Variants in UGGT2 observed in about 807,000 individuals in gnomAD.
UGGT2 encodes UDP-glucose glycoprotein glucosyltransferase 2, also known as UDP-glucose:glycoprotein glucosyltransferase 2.
Under a neutral mutation model 192.1 loss-of-function variants are expected in UGGT2, and 180 were observed. The observed-to-expected ratio is 0.94, with a 90% CI of 0.83 to 1.06. UGGT2 has a LOEUF of 1.06. UGGT2 is among the 50% of genes least tolerant of loss of function. UGGT2 has a pLI of 0.00. For missense variants in UGGT2, 1,849 were observed against 1,795.7 expected (o/e 1.03, Z -0.54); for synonymous variants, 580 against 591.0 (o/e 0.98, Z 0.27).
intron 16 of UGGT2, among the ~76,000 whole-genome samples, chr13:95,938,763 AT>A (rs1480747628): frequency 6.6e-6 from 1 of 151,792 alleles, no homozygotes; most frequent in Non-Finnish European, 1.5e-5. Flanking sequence ...ACCCTTGACA[AT>A]TTCTCATCTC....
chr13:96,043,850 C>T (rs1013204148), intron 1 of UGGT2, among the ~76,000 whole-genome samples: 1 of 152,022 alleles, frequency 6.6e-6, no homozygotes, highest in African/African-American at 2.4e-5. Context: ...TAATGGAGTT[C>T]CCAAATTTAT....
intron 38 of UGGT2, among the ~76,000 whole-genome samples, chr13:95,806,490 T>G (rs1884311823): frequency 6.6e-6 from 1 of 152,178 alleles, no homozygotes; most frequent in African/African-American, 2.4e-5. Context: ...CTACTCAAAG[T>G]GATCTACATA....
At chr13:96,019,462 C>T (rs2139102706) in intron 4 of UGGT2, among the ~76,000 whole-genome samples, 1 of 152,248 alleles carries the variant, frequency 6.6e-6, no homozygotes, top group South Asian at 2.1e-4. Flanking sequence ...GGGAGAAACA[C>T]TCACTTATCC....
chr13:95,813,673 G>A (rs192890610), intron 38 of UGGT2, among the ~76,000 whole-genome samples: 4 of 152,244 alleles, frequency 2.6e-5, no homozygotes, highest in East Asian at 1.9e-4. Flanking sequence ...AGAGATATTC[G>A]CATAACCAAA....
At chr13:96,052,788 T>C (rs1375446600) in intron 1 of UGGT2, among the ~76,000 whole-genome samples, 1 of 152,190 alleles carries the variant, frequency 6.6e-6, no homozygotes, top group Non-Finnish European at 1.5e-5. Flanking sequence ...TGGTATGATG[T>C]CATCATTACG....
rs528367859 is a variant in UGGT2, at chr13:95,813,143, C to T, written c.4529-11331G>A. 4.6e-5 allele frequency among the ~76,000 whole-genome samples: 7 copies of T among 152,192 alleles called. No individual in the cohort carries two copies. The South Asian group carries it at 1.5e-3, about 32-fold the overall frequency. On this transcript the variant is annotated intron_variant, in intron 38 of 38. Coordinates refer to ENST00000376747, the MANE Select transcript of UGGT2 (RefSeq NM_020121.4). ...GAGTGGGACACTGCTATAAAGATAC[C>T]TGAAAACGTGGACACAACTTTGGAA...
chr13:95,986,795 A>G (rs1467755906), intron 8 of UGGT2, among the ~76,000 whole-genome samples: 1 of 152,142 alleles, frequency 6.6e-6, no homozygotes, highest in Non-Finnish European at 1.5e-5. Context: ...TAAAGAGCCA[A>G]TTCTGAAAAG....
At chr13:96,042,027 G>A (rs545770278) in intron 1 of UGGT2, among the ~76,000 whole-genome samples, 2 of 152,220 alleles carry the variant, frequency 1.3e-5, no homozygotes, top group African/African-American at 4.8e-5. Flanking sequence ...CACAGCTGAT[G>A]CTCTATTGAA....
At chr13:95,908,628 T>A (rs1412009729) in intron 20 of UGGT2, among the ~76,000 whole-genome samples, 1 of 150,840 alleles carries the variant, frequency 6.6e-6, no homozygotes, top group Non-Finnish European at 1.5e-5. Context: ...GACTTTTTAA[T>A]GATCGCCATT....
chr13:95,858,033 TAGG>T (rs1320345563), intron 33 of UGGT2, among the ~76,000 whole-genome samples: 1 of 149,190 alleles, frequency 6.7e-6, no homozygotes, highest in African/African-American at 2.5e-5. Flanking sequence ...CAAATGAGCA[TAGG>T]AGGAGACACT....
At chr13:96,047,646 C>T (rs145618520) in intron 1 of UGGT2, among the ~76,000 whole-genome samples, 22 of 152,032 alleles carry the variant, frequency 1.4e-4, no homozygotes, top group Non-Finnish European at 2.4e-4. Flanking sequence ...GGAAGATCTA[C>T]CAAGCAAATG....
At position 96,053,262 on chromosome 13, in the gene UGGT2, T is replaced by A; in HGVS notation, c.51A>T (p.Thr17=). Reference sequence around the variant, plus strand: ...AGCCGAGCTGCGAAAGCCACAGCGCTGTGGAGCCTAGTAGCAGCCGCACCA... The same window carrying A: ...AGCCGAGCTGCGAAAGCCACAGCGCAGTGGAGCCTAGTAGCAGCCGCACCA... ...TNVVRLLLGS[T]ALWLSQLGSG... is the part of the protein sequence containing the mutation. Residue 17 remains threonine, a synonymous_variant, in exon 1 of 39, where the codon ACA becomes ACT. Transcript: ENST00000376747. 1.9e-6 allele frequency: 3 copies of A among 1,570,924 alleles called. No homozygotes were observed. The highest frequency in any genetic ancestry group is 2.6e-6 in the Non-Finnish European group (3 of 1,166,398).
chr13:95,980,968 A>C (rs1417664164), intron 10 of UGGT2, among the ~76,000 whole-genome samples: 2 of 152,238 alleles, frequency 1.3e-5, no homozygotes, highest in Non-Finnish European at 2.9e-5. Context: ...ACTGCACTCC[A>C]GCCTGGGTGA....
chr13:95,808,825 AAT>A (rs1884444530), intron 38 of UGGT2, among the ~76,000 whole-genome samples: 1 of 152,232 alleles, frequency 6.6e-6, no homozygotes, highest in Admixed American at 6.5e-5. Context: ...ATCACAACTA[AAT>A]ATGTTACAGA....
rs147486921 is a variant in UGGT2, at chr13:96,013,430, C to A, written c.537G>T (p.Glu179Asp). The change falls in exon 5 of 39, where the codon GAG (glutamate) becomes GAT (aspartate). Residue 179 changes from glutamate (E) to aspartate (D), a missense_variant. Glu to Asp is a conservative substitution (Grantham distance 45). Transcript: ENST00000376747. ...KGDHKFPTNKENLPVVILYAE... is the reference protein window; with the variant it reads ...KGDHKFPTNKDNLPVVILYAE... ...CATAGAGAATCACCACTGGTAAGTT[C>A]TCTTTGTTTGTAGGAAATTTGTGAT... 2.5e-6 allele frequency: 4 copies of A among 1,603,536 alleles called. No homozygotes were observed. Among genetic ancestry groups the A allele is most frequent in the Non-Finnish European group, 3.4e-6 (4 of 1,176,536 alleles).
At chr13:95,930,479 G>A (rs1431219416) in intron 17 of UGGT2, among the ~76,000 whole-genome samples, 1 of 152,132 alleles carries the variant, frequency 6.6e-6, no homozygotes, top group Middle Eastern at 3.2e-3. Flanking sequence ...GTTTGCATAT[G>A]GCTAGCCAAC....
intron 7 of UGGT2, chr13:95,991,142 G>C (rs1441030683): frequency 1.2e-5 from 2 of 171,044 alleles, no homozygotes; most frequent in East Asian, 3.1e-4. Flanking sequence ...ATTTGGGTTG[G>C]TTCGAAGTCT....
intron 5 of UGGT2, among the ~76,000 whole-genome samples, chr13:96,005,842 T>C (rs1238878460): frequency 1.3e-5 from 2 of 152,160 alleles, no homozygotes; most frequent in African/African-American, 2.4e-5. Context: ...CACATTGTCT[T>C]TGGGGAGCTG....
intron 10 of UGGT2, among the ~76,000 whole-genome samples, chr13:95,977,686 T>A (rs906440185): frequency 6.6e-6 from 1 of 152,164 alleles, no homozygotes; most frequent in Admixed American, 6.5e-5. Context: ...GCAGTCCCAT[T>A]AGTGGGTATA....
Sources: allele counts gnomAD v4.1 joint callset (sites outside exome capture counted in the v4.1 genomes callset), GRCh38; gene constraint gnomAD v4.1.1; transcripts MANE v1.5; gene names NCBI Gene and HGNC (gene_info 2026-07-23, HGNC 2026-07-21).